Variants in DTNBP1 observed in about 807,000 individuals in gnomAD.
DTNBP1 encodes dysbindin.
Under a neutral mutation model 42.8 loss-of-function variants are expected in DTNBP1, and 35 were observed. That is an observed-to-expected ratio of 0.82 (90% CI 0.63 to 1.09). DTNBP1 has a LOEUF of 1.09. Ranked by LOEUF, DTNBP1 falls within the 50% of genes least tolerant of loss-of-function variation. The pLI is 0.00. For synonymous variants in DTNBP1, 171 were observed against 162.2 expected (o/e 1.05, Z -0.41); for missense variants, 457 against 424.2 (o/e 1.08, Z -0.68).
At chr6:15,594,452 G>A (rs756963602) in intron 6 of DTNBP1, among the ~76,000 whole-genome samples, 7 of 147,614 alleles carry the variant, frequency 4.7e-5, no homozygotes, top group Non-Finnish European at 7.4e-5. Flanking sequence ...GTGACAGAGC[G>A]AGACTCTGTC....
rs761888199 is a variant in DTNBP1, at chr6:15,523,844, G to A, written c.812-625C>T. ...GTTCTGACAGATTGCCAGGAGAAGC[G>A]GGTGAGAAGTTTAGAGGAAGCTGAA... On this transcript the variant is annotated intron_variant, in intron 9 of 9. Transcript: ENST00000344537. The A allele has an allele frequency of 3.7e-5, 47 of 1,287,072 alleles. No individual in the cohort carries two copies. In the African/African-American group the frequency reaches 5.9e-4, roughly 16 times the overall value. 79.7% of individuals were successfully genotyped at this position (1,287,072 alleles called of 1,614,324 possible).
chr6:15,649,648 T>C (rs894091165), intron 3 of DTNBP1, among the ~76,000 whole-genome samples: 2 of 152,256 alleles, frequency 1.3e-5, no homozygotes, highest in African/African-American at 2.4e-5. Context: ...TTTTATGCTA[T>C]GTATATTACA....
intron 4 of DTNBP1, among the ~76,000 whole-genome samples, chr6:15,634,204 C>A (rs1306581008): frequency 6.6e-6 from 1 of 151,766 alleles, no homozygotes; most frequent in African/African-American, 2.4e-5. Flanking sequence ...ATTGAGGCTG[C>A]AGATATATTC....
At chr6:15,645,959 A>G (rs1222940688) in intron 3 of DTNBP1, among the ~76,000 whole-genome samples, 1 of 152,062 alleles carries the variant, frequency 6.6e-6, no homozygotes, top group Admixed American at 6.6e-5. Flanking sequence ...ATGAGAAAGA[A>G]ATATAAGGTA....
intron 5 of DTNBP1, among the ~76,000 whole-genome samples, chr6:15,624,457 C>T (rs1191413771): frequency 6.6e-6 from 1 of 152,158 alleles, no homozygotes; most frequent in East Asian, 1.9e-4. Context: ...GGGCTAGGTA[C>T]CAGGAGCCAT....
At chr6:15,527,657 C>T (rs1470376968) in intron 8 of DTNBP1, among the ~76,000 whole-genome samples, 2 of 151,918 alleles carry the variant, frequency 1.3e-5, no homozygotes, top group Non-Finnish European at 2.9e-5. Flanking sequence ...GTTAATGAAA[C>T]AGTAGAAAGA....
chr6:15,533,220 C>G lies in DTNBP1; in HGVS notation c.667+20G>C, dbSNP rs774323219. The stretch of plus-strand genomic sequence containing the variant: ...CACAGCCGGTGAGTCCCCACACCAG[C>G]AGCCCCAGCCCCCACTCGCCTCGCC... On this transcript the variant is annotated intron_variant, in intron 8 of 9. Coordinates refer to ENST00000344537, the MANE Select transcript of DTNBP1 (RefSeq NM_032122.5). 6 of 1,612,682 alleles carry G rather than the reference C, an allele frequency of 3.7e-6. No individual in the cohort carries two copies. In the South Asian group the frequency reaches 5.5e-5, roughly 15 times the overall value.
chr6:15,532,013 T>C (rs1374974177), intron 8 of DTNBP1, among the ~76,000 whole-genome samples: 1 of 152,126 alleles, frequency 6.6e-6, no homozygotes, highest in Non-Finnish European at 1.5e-5. Context: ...GGAGATGTGG[T>C]TGGGGGCAGG....
At chr6:15,638,254 A>C (rs1436561320) in intron 3 of DTNBP1, among the ~76,000 whole-genome samples, 1 of 151,932 alleles carries the variant, frequency 6.6e-6, no homozygotes, top group Non-Finnish European at 1.5e-5. Flanking sequence ...CAGCCTCCCG[A>C]GTAGCTGGGA....
At chr6:15,640,466 T>C (rs1186051498) in intron 3 of DTNBP1, among the ~76,000 whole-genome samples, 2 of 152,246 alleles carry the variant, frequency 1.3e-5, no homozygotes, top group Non-Finnish European at 2.9e-5. Context: ...CAAATCGTTA[T>C]TGAATATATT....
Position 15,523,007 on chromosome 6 carries a change from T to C in DTNBP1, c.1024A>G (p.Thr342Ala). The C allele has an allele frequency of 2.5e-6, 4 of 1,614,080 alleles. No individual in the cohort carries two copies. The highest frequency in any genetic ancestry group is 3.4e-6 in the Non-Finnish European group (4 of 1,180,024). The change falls in exon 10 of 10, where the codon ACT becomes GCT. Residue 342 changes from threonine (T) to alanine (A), a missense_variant. Thr to Ala is a moderately conservative substitution (Grantham distance 58). Transcript: ENST00000344537. ...TCGCTGTCCTCACCACCATCCGGAG[T>C]GGCCTCTCTGTCAGTGTGTGATGTG... The part of the protein sequence containing the change: ...LATSHTDREA[T>A]PDGGEDSDS
chr6:15,541,003 C>T (rs956598527), intron 7 of DTNBP1, among the ~76,000 whole-genome samples: 3 of 151,514 alleles, frequency 2.0e-5, no homozygotes, highest in Non-Finnish European at 4.4e-5. Context: ...AAACATGTTC[C>T]TCACTAGGTA....
chr6:15,566,988 G>A (rs1775121559), intron 7 of DTNBP1, among the ~76,000 whole-genome samples: 1 of 152,146 alleles, frequency 6.6e-6, no homozygotes, highest in Non-Finnish European at 1.5e-5. Context: ...ATTATGCCCA[G>A]CCTGAATGAA....
intron 5 of DTNBP1, among the ~76,000 whole-genome samples, chr6:15,623,203 C>T (rs1399043197): frequency 6.6e-6 from 1 of 152,182 alleles, no homozygotes; most frequent in Non-Finnish European, 1.5e-5. Flanking sequence ...GGAACCTGGA[C>T]ATCTGATAAT....
intron 4 of DTNBP1, 45 bp from the exon 5 acceptor site, chr6:15,627,520 C>T: frequency 1.2e-6 from 2 of 1,611,642 alleles, no homozygotes; most frequent in Non-Finnish European, 8.5e-7. Flanking sequence ...AGGTTTTAGG[C>T]ACAAAGAAAG....
chr6:15,533,568 C>T (rs1561940846), intron 7 of DTNBP1, 173 bp from the exon 8 acceptor site: 2 of 1,073,140 alleles, frequency 1.9e-6, no homozygotes, highest in Non-Finnish European at 2.8e-6. Context: ...CAATCTGCTG[C>T]ACTTCCTCCC....
chr6:15,657,425 C>T (rs1761346897), intron 1 of DTNBP1, among the ~76,000 whole-genome samples: 1 of 152,160 alleles, frequency 6.6e-6, no homozygotes, highest in Non-Finnish European at 1.5e-5. Flanking sequence ...TGACCAGTGC[C>T]TAACACATCT....
intron 7 of DTNBP1, among the ~76,000 whole-genome samples, chr6:15,557,309 T>C (rs1367988648): frequency 1.3e-5 from 2 of 151,202 alleles, no homozygotes; most frequent in Admixed American, 1.3e-4. Context: ...TTAGATATGA[T>C]AAAGCTGAAG....
chr6:15,585,445 T>TA (rs201453910), intron 7 of DTNBP1, among the ~76,000 whole-genome samples: 27,142 of 139,630 alleles, frequency 0.19, 3,133 homozygotes, highest in African/African-American at 0.34. Flanking sequence ...ACACATATTG[T>TA]AAAAAAAAAA....
Sources: allele counts gnomAD v4.1 joint callset (sites outside exome capture counted in the v4.1 genomes callset), GRCh38; gene constraint gnomAD v4.1.1; transcripts MANE v1.5; gene names NCBI Gene and HGNC (gene_info 2026-07-23, HGNC 2026-07-21).